Variants in ELMO1 observed in about 807,000 individuals in gnomAD.
ELMO1 encodes engulfment and cell motility 1.
A neutral mutation model predicts 98.9 loss-of-function variants in ELMO1; 26 were observed. The ratio of observed to expected loss-of-function variants is 0.26; its 90% CI spans 0.19 to 0.36. The LOEUF is 0.36. Among genes scored for constraint, ELMO1 ranks in the 10% least tolerant of loss-of-function variants. The probability of loss-of-function intolerance (pLI) is 1.00; values close to 1 mark genes in which losing one functional copy is unlikely to be tolerated. For synonymous variants in ELMO1, 346 were observed against 346.0 expected, an observed-to-expected ratio of 1.00 and a Z score of 0.00; for missense variants, 627 against 935.2, an observed-to-expected ratio of 0.67 and a Z score of 4.30.
Position 36,897,349 on chromosome 7 carries a change from T to TGTGTGTGTGTGTGA in ELMO1, c.1438-2333_1438-2332insTCACACACACACAC, listed in dbSNP as rs1370708472. Among the ~76,000 whole-genome samples, 74 of 151,740 alleles carry TGTGTGTGTGTGTGA rather than the reference T, an allele frequency of 4.9e-4. No homozygotes were observed. The South Asian group carries it at 5.7e-3, about 12-fold the overall frequency. On this transcript the variant is annotated intron_variant, in intron 16 of 21. Transcript: ENST00000310758. The stretch of plus-strand genomic sequence containing the variant: ...ACGTGTGTGTGTGTGTGTGTGTGTG[T>TGTGTGTGTGTGTGA]GAAAGAGTGTTAATGGTTAAGCCTT...
chr7:37,331,707 G>A (rs1800135565), intron 2 of ELMO1, among the ~76,000 whole-genome samples: 1 of 152,098 alleles, frequency 6.6e-6, no homozygotes, highest in Admixed American at 6.5e-5. Context: ...CAGAGAGGGT[G>A]GCAGCAGCAG....
intron 15 of ELMO1, among the ~76,000 whole-genome samples, chr7:37,053,512 C>A (rs1344177111): frequency 6.6e-6 from 1 of 152,150 alleles, no homozygotes; most frequent in East Asian, 1.9e-4. Flanking sequence ...GCTAATCATA[C>A]CCCATTTCAT....
chr7:37,192,881 A>T (rs921957562), intron 13 of ELMO1, among the ~76,000 whole-genome samples: 10 of 146,158 alleles, frequency 6.8e-5, no homozygotes, highest in Non-Finnish European at 1.3e-4. Context: ...ATGTTTATAT[A>T]TGATATATAT....
chr7:37,090,311 G>A (rs1295867683), intron 15 of ELMO1, among the ~76,000 whole-genome samples: 5 of 152,216 alleles, frequency 3.3e-5, no homozygotes, highest in African/African-American at 9.6e-5. Flanking sequence ...GGGTGAGCCT[G>A]TACACCATCA....
Position 36,871,925 on chromosome 7 carries a change from A to G in ELMO1, c.1823-1450T>C, listed in dbSNP as rs181682486. 5.8e-4 allele frequency among the ~76,000 whole-genome samples: 89 copies of G among 152,266 alleles called. 1 individual carries two copies. The highest frequency in any genetic ancestry group is 2.1e-3 in the African/African-American group (86 of 41,542). ...ACTCTTAGGCCTCTCTGTAACCCTA[A>G]GAGTGGGGTTGTGATGAGTCTTCCA... On this transcript the variant is annotated intron_variant, in intron 19 of 21. Transcript: ENST00000310758.
intron 16 of ELMO1, among the ~76,000 whole-genome samples, chr7:36,999,890 C>T (rs191266496): frequency 6.6e-6 from 1 of 152,220 alleles, no homozygotes; most frequent in East Asian, 1.9e-4. Context: ...AGCCTAAAAG[C>T]TTTTATAACT....
intron 16 of ELMO1, among the ~76,000 whole-genome samples, chr7:36,947,534 A>G (rs369196237): frequency 6.6e-6 from 1 of 152,178 alleles, no homozygotes; most frequent in African/African-American, 2.4e-5. Flanking sequence ...TCAGGTGTTT[A>G]TCTCCTGCTT....
chr7:37,239,589 G>T (rs142432025), intron 7 of ELMO1, among the ~76,000 whole-genome samples: 65 of 152,352 alleles, frequency 4.3e-4, no homozygotes, highest in East Asian at 2.7e-3. Flanking sequence ...AACAGAGATT[G>T]AGTACGAGTT....
intron 4 of ELMO1, among the ~76,000 whole-genome samples, chr7:37,290,891 C>G (rs60635300): frequency 6.6e-6 from 1 of 151,142 alleles, no homozygotes; most frequent in Non-Finnish European, 1.5e-5. Context: ...AGAGGAAGAA[C>G]AGAGGAAGAG....
At chr7:37,402,427 TC>T (rs1259259970) in intron 1 of ELMO1, among the ~76,000 whole-genome samples, 7 of 152,110 alleles carry the variant, frequency 4.6e-5, no homozygotes, top group African/African-American at 1.7e-4. Context: ...TGTTCACTTT[TC>T]TGAAAAAAGG....
intron 4 of ELMO1, among the ~76,000 whole-genome samples, chr7:37,283,557 G>T (rs1797247007): frequency 6.6e-6 from 1 of 152,210 alleles, no homozygotes; most frequent in Non-Finnish European, 1.5e-5. Flanking sequence ...CTTGGACTTG[G>T]CCTTGAAGTT....
chr7:36,856,067 T>C (rs1802176070), intron 21 of ELMO1, among the ~76,000 whole-genome samples: 1 of 152,220 alleles, frequency 6.6e-6, no homozygotes, highest in African/African-American at 2.4e-5. Context: ...CAGCTGAGGA[T>C]TGGAGTTCTC....
chr7:37,104,957 G>T (rs781295064), intron 14 of ELMO1, among the ~76,000 whole-genome samples: 1 of 151,966 alleles, frequency 6.6e-6, no homozygotes. Flanking sequence ...AATGCTTCCA[G>T]AATAAAATTA....
chr7:37,294,388 A>C (rs897872315), intron 4 of ELMO1, among the ~76,000 whole-genome samples: 1 of 151,692 alleles, frequency 6.6e-6, no homozygotes, highest in Non-Finnish European at 1.5e-5. Flanking sequence ...GAGAAGTCCC[A>C]TGGTGTCCTA....
intron 20 of ELMO1, among the ~76,000 whole-genome samples, chr7:36,863,125 C>T (rs1021502751): frequency 4.6e-5 from 7 of 152,108 alleles, no homozygotes; most frequent in Non-Finnish European, 1.0e-4. Flanking sequence ...ATAGATCTAC[C>T]AGCGTCTCAC....
At chr7:37,200,218 C>T (rs1011207167) in intron 13 of ELMO1, among the ~76,000 whole-genome samples, 6 of 150,572 alleles carry the variant, frequency 4.0e-5, no homozygotes, top group African/African-American at 9.8e-5. Context: ...GGACTACAGA[C>T]GCATGCCACC....
chr7:37,274,787 G>C (rs980253904), intron 4 of ELMO1, among the ~76,000 whole-genome samples: 3 of 152,170 alleles, frequency 2.0e-5, no homozygotes, highest in Non-Finnish European at 2.9e-5. Flanking sequence ...TCCTGACCTT[G>C]TGATCTGCCC....
chr7:37,304,944 T>C (rs1434226742), intron 4 of ELMO1, among the ~76,000 whole-genome samples: 3 of 152,246 alleles, frequency 2.0e-5, no homozygotes, highest in African/African-American at 4.8e-5. Context: ...GGAGTGTGAC[T>C]GTGCAAAGTT....
At chr7:37,020,811 TG>T (rs1414717946) in intron 15 of ELMO1, among the ~76,000 whole-genome samples, 4 of 152,246 alleles carry the variant, frequency 2.6e-5, no homozygotes, top group Admixed American at 1.3e-4. Flanking sequence ...CCTAACACAA[TG>T]GATGTTTTGT....
Sources: gnomAD v4.1 joint callset for allele counts (sites outside exome capture counted in the v4.1 genomes callset) on GRCh38, gnomAD v4.1.1 for gene constraint, MANE v1.5 for transcripts, NCBI Gene and HGNC (gene_info 2026-07-23, HGNC 2026-07-21) for gene names.